The following MAP3K5 variants were observed in gnomAD, a reference collection of about 807,000 sequenced individuals.
MAP3K5 encodes the protein ASK-1.
Under a neutral mutation model 158.7 loss-of-function variants are expected in MAP3K5, and 56 were observed. That is an observed-to-expected ratio of 0.35 (90% CI 0.28 to 0.44). The LOEUF is 0.44. Among genes scored for constraint, MAP3K5 ranks in the 20% least tolerant of loss-of-function variants. The pLI is 1.00. For missense variants in MAP3K5, 1,294 were observed against 1,674.8 expected (o/e 0.77, Z 3.97); for synonymous variants, 579 against 601.7 (o/e 0.96, Z 0.55).
At chr6:136,580,428 G>A in intron 24 of MAP3K5, 22 bp from the exon 25 acceptor site, 1 of 1,497,218 alleles carries the variant, frequency 6.7e-7, no homozygotes. Flanking sequence ...GTGACATTTA[G>A]CCTACTTTAA....
chr6:136,598,829 T>C (rs1035319091), intron 21 of MAP3K5, among the ~76,000 whole-genome samples: 8 of 152,106 alleles, frequency 5.3e-5, no homozygotes, highest in East Asian at 1.9e-4. Flanking sequence ...TAATAGGTCA[T>C]TGTTTCAATT....
intron 2 of MAP3K5, among the ~76,000 whole-genome samples, chr6:136,716,123 A>G (rs1233063776): frequency 1.3e-5 from 2 of 150,432 alleles, no homozygotes; most frequent in African/African-American, 2.4e-5. Context: ...AGCTATTATA[A>G]ACATGTTAAC....
chr6:136,647,895 G>A (rs944259813), intron 11 of MAP3K5: 8 of 152,314 alleles, frequency 5.3e-5, no homozygotes, highest in Admixed American at 3.3e-4. Flanking sequence ...GTCCTCCTCA[G>A]GAACCAGCAC....
chr6:136,761,237 A>G (rs1434831800), intron 1 of MAP3K5, among the ~76,000 whole-genome samples: 3 of 149,792 alleles, frequency 2.0e-5, no homozygotes, highest in Non-Finnish European at 4.4e-5. Flanking sequence ...TAGAGCACCT[A>G]TTACATGTGA....
chr6:136,610,565 T>C (rs1554285162), intron 18 of MAP3K5, among the ~76,000 whole-genome samples: 4 of 129,904 alleles, frequency 3.1e-5, no homozygotes, highest in Non-Finnish European at 6.3e-5. Flanking sequence ...TGAGTAAGCA[T>C]CACAGAGAGG....
At position 136,600,960 on chromosome 6, in the gene MAP3K5, C is replaced by A; in HGVS notation, c.2878+62G>T. On this transcript the variant is annotated intron_variant, in intron 21 of 29. Coordinates refer to ENST00000359015, the MANE Select transcript of MAP3K5 (RefSeq NM_005923.4). ...AGCATGAGGCTACTTGATGGGAAGT[C>A]TGGAGTTTATCACACCAGACACCAG... 1.9e-6 allele frequency: 3 copies of A among 1,568,090 alleles called. No individual in the cohort carries two copies. The South Asian group carries it at 3.3e-5, about 17-fold the overall frequency.
chr6:136,585,455 C>CTTCTCTTTCCTTTCCTTTCCT (rs1775083625), intron 23 of MAP3K5, among the ~76,000 whole-genome samples: 2 of 137,138 alleles, frequency 1.5e-5, no homozygotes, highest in African/African-American at 5.3e-5. Context: ...AGGCATATTG[C>CTTCTCTTTCCTTTCCTTTCCT]TTCCTTTCTT....
chr6:136,685,492 C>A (rs905160817), intron 7 of MAP3K5, among the ~76,000 whole-genome samples: 10 of 152,090 alleles, frequency 6.6e-5, no homozygotes, highest in Non-Finnish European at 1.5e-4. Context: ...GTAAAACTTC[C>A]TCCCTCCACT....
rs1830303127 is a variant in MAP3K5 at position 136,557,529 on chromosome 6, C to CA, written c.*228dup. The CA allele has an allele frequency of 2.4e-6, 1 of 421,236 alleles. No homozygotes were observed. Among genetic ancestry groups the CA allele is most frequent in the Admixed American group, 4.1e-5 (1 of 24,264 alleles). The allele number at this position is 421,236 out of a possible 1,614,324, so 26.1% of individuals were successfully genotyped here. On this transcript the variant is annotated 3_prime_UTR_variant, in exon 30 of 30. Coordinates refer to ENST00000359015, the MANE Select transcript of MAP3K5 (RefSeq NM_005923.4). The stretch of plus-strand genomic sequence containing the variant: ...TCCTGAACATTAGGGTTCTAATGTT[C>CA]AGGATTATTTTAAGAGTCCTTATGA...
At chr6:136,746,225 G>A (rs1295673736) in intron 1 of MAP3K5, among the ~76,000 whole-genome samples, 2 of 151,888 alleles carry the variant, frequency 1.3e-5, no homozygotes, top group Admixed American at 6.6e-5. Flanking sequence ...TATTCTCTAG[G>A]TTTACAGAAT....
chr6:136,684,656 C>T (rs1780070812), intron 7 of MAP3K5, among the ~76,000 whole-genome samples: 1 of 152,146 alleles, frequency 6.6e-6, no homozygotes. Context: ...AAAGCTGGCT[C>T]TCCTCCCAGC....
chr6:136,752,502 C>T (rs1411245464), intron 1 of MAP3K5, among the ~76,000 whole-genome samples: 3 of 152,166 alleles, frequency 2.0e-5, no homozygotes, highest in Non-Finnish European at 4.4e-5. Context: ...ACCTCCACCT[C>T]CTGGGTTCAA....
intron 7 of MAP3K5, among the ~76,000 whole-genome samples, chr6:136,679,392 ATTCT>A (rs1265694552): frequency 9.8e-5 from 15 of 152,292 alleles, no homozygotes; most frequent in African/African-American, 3.1e-4. Context: ...AACAGTTGTG[ATTCT>A]TTCTATGAGA....
In MAP3K5 at chr6:136,622,782, T is replaced by TGACA. The variant is rs1236150164; in HGVS notation, c.2150+65_2150+66insTGTC. 1.6e-5 allele frequency: 24 copies of TGACA among 1,520,196 alleles called. No homozygotes were observed. In the East Asian group the frequency reaches 5.2e-4, roughly 33 times the overall value. 94.2% of individuals were successfully genotyped at this position (1,520,196 alleles called of 1,614,324 possible). On this transcript the variant is annotated intron_variant, in intron 15 of 29. Coordinates refer to ENST00000359015, the MANE Select transcript of MAP3K5 (RefSeq NM_005923.4). ...CATTCATTAGAATATCATCAAGTAT[T>TGACA]TTCTAAAATACTGTCAACAACCCAA...
chr6:136,594,277 C>T (rs1246262623), intron 21 of MAP3K5, among the ~76,000 whole-genome samples: 1 of 152,134 alleles, frequency 6.6e-6, no homozygotes, highest in East Asian at 1.9e-4. Flanking sequence ...AAATGGGTGA[C>T]CTCTTCCTTG....
chr6:136,605,277 T>C lies in MAP3K5; in HGVS notation c.2611A>G (p.Ile871Val), dbSNP rs961557395. Reference sequence around the variant, plus strand: ...GGTTTTCCTGTGGCCATTTCAATGATTGTACAGCCCAGAGACCAGATGTCT... The same window carrying C: ...GGTTTTCCTGTGGCCATTTCAATGACTGTACAGCCCAGAGACCAGATGTCT... ...AADIWSLGCT[I>V]IEMATGKPPF... Residue 871 changes from isoleucine to valine, a missense_variant, in exon 19 of 30, where the codon ATC becomes GTC. By Grantham distance (29) the Ile-to-Val change is conservative (BLOSUM62 3). This residue lies in a region of MAP3K5 where 362 missense variants were observed against 463.2 expected (regional missense o/e 0.78). Transcript: ENST00000359015. 7.4e-6 allele frequency: 12 copies of C among 1,614,172 alleles called. No individual in the cohort carries two copies. Among genetic ancestry groups the C allele is most frequent in the South Asian group, 1.1e-5 (1 of 91,080 alleles).
chr6:136,753,235 A>T (rs1366808671), intron 1 of MAP3K5, among the ~76,000 whole-genome samples: 1 of 152,238 alleles, frequency 6.6e-6, no homozygotes. Context: ...GTATTTAAAT[A>T]CATCTGAGTT....
intron 7 of MAP3K5, among the ~76,000 whole-genome samples, chr6:136,670,581 CAT>C (rs1440397961): frequency 6.6e-6 from 1 of 151,910 alleles, no homozygotes; most frequent in Non-Finnish European, 1.5e-5. Flanking sequence ...GAATAGTAAA[CAT>C]AGTGATAGGC....
intron 10 of MAP3K5, among the ~76,000 whole-genome samples, chr6:136,651,820 A>G (rs559921921): frequency 1.1e-4 from 16 of 152,298 alleles, no homozygotes; most frequent in African/African-American, 3.6e-4. Context: ...TTATATTATT[A>G]CTAATATCTC....
Sources: gnomAD v4.1 joint callset for allele counts (sites outside exome capture counted in the v4.1 genomes callset) on GRCh38, gnomAD v4.1.1 for gene constraint, gnomAD v4.1.1 regional missense constraint, MANE v1.5 for transcripts, NCBI Gene and HGNC (gene_info 2026-07-23, HGNC 2026-07-21) for gene names.